The following SOX5 variants were observed in gnomAD, a reference collection of about 807,000 sequenced individuals.
SOX5 encodes transcription factor SOX-5.
Under a neutral mutation model 92.0 loss-of-function variants are expected in SOX5, and 9 were observed. That is an observed-to-expected ratio of 0.10 (90% CI 0.06 to 0.17). The LOEUF (loss-of-function observed/expected upper bound fraction) is 0.17. SOX5 is among the 10% of genes least tolerant of loss of function. The pLI, the probability that SOX5 is intolerant of heterozygous loss-of-function variation, is 1.00. For synonymous variants in SOX5, 344 were observed against 336.3 expected (o/e 1.02, Z -0.25); for missense variants, 642 against 944.5 (o/e 0.68, Z 4.20).
At chr12:24,242,603 T>C (rs2728833) in intron 3 of SOX5, among the ~76,000 whole-genome samples, 18,029 of 151,668 alleles carry the variant, frequency 0.12, 1,308 homozygotes, top group Admixed American at 0.18. Flanking sequence ...ACACGTATAG[T>C]CACTAATAAT....
At chr12:24,275,216 T>G (rs1344004604) in intron 3 of SOX5, among the ~76,000 whole-genome samples, 4 of 152,188 alleles carry the variant, frequency 2.6e-5, no homozygotes, top group African/African-American at 9.6e-5. Flanking sequence ...TTAAAAACTC[T>G]GTAAACTATG....
intron 2 of SOX5, among the ~76,000 whole-genome samples, chr12:24,308,553 C>T (rs534785493): frequency 4.6e-5 from 7 of 152,256 alleles, no homozygotes; most frequent in African/African-American, 1.4e-4. Flanking sequence ...TTGGATTTGC[C>T]GCCACTAAGA....
chr12:23,860,031 A>T (rs1175602557), intron 2 of SOX5, among the ~76,000 whole-genome samples: 1 of 152,210 alleles, frequency 6.6e-6, no homozygotes, highest in African/African-American at 2.4e-5. Context: ...CACTGTTAGC[A>T]AACTAAAGCA....
intron 8 of SOX5, among the ~76,000 whole-genome samples, chr12:23,617,955 A>G (rs1037447487): frequency 6.6e-6 from 1 of 152,190 alleles, no homozygotes; most frequent in Non-Finnish European, 1.5e-5. Flanking sequence ...ATCCATTACA[A>G]TATGTTCCAA....
chr12:24,400,043 T>C (rs1195200764), intron 1 of SOX5, among the ~76,000 whole-genome samples: 1 of 152,216 alleles, frequency 6.6e-6, no homozygotes, highest in Non-Finnish European at 1.5e-5. Context: ...AGATAAAACA[T>C]AAACTTTCAA....
intron 3 of SOX5, among the ~76,000 whole-genome samples, chr12:24,220,197 T>G (rs1203893704): frequency 6.6e-6 from 1 of 152,060 alleles, no homozygotes; most frequent in Non-Finnish European, 1.5e-5. Context: ...TGATTTATAC[T>G]AGATATAGAA....
At chr12:23,622,945 G>A (rs2077355574) in intron 8 of SOX5, among the ~76,000 whole-genome samples, 1 of 151,990 alleles carries the variant, frequency 6.6e-6, no homozygotes, top group South Asian at 2.1e-4. Context: ...TACCTTTCCA[G>A]AAGACTTAAA....
chr12:23,737,336 C>T (rs1429545888), intron 5 of SOX5, among the ~76,000 whole-genome samples: 1 of 151,854 alleles, frequency 6.6e-6, no homozygotes, highest in Non-Finnish European at 1.5e-5. Context: ...GTCAGGAGTT[C>T]GAGACCAGCC....
At chr12:24,179,631 A>C (rs1432386613) in intron 4 of SOX5, among the ~76,000 whole-genome samples, 2 of 152,200 alleles carry the variant, frequency 1.3e-5, no homozygotes, top group African/African-American at 4.8e-5. Flanking sequence ...GTATTCAGTA[A>C]ATTAGATGAG....
chr12:23,715,179 G>A (rs2092395869), intron 6 of SOX5, among the ~76,000 whole-genome samples: 1 of 151,966 alleles, frequency 6.6e-6, no homozygotes. Context: ...GGCGCCTGTA[G>A]TCCCAGCTAC....
chr12:23,727,817 G>T (rs1387987801), intron 6 of SOX5, among the ~76,000 whole-genome samples: 1 of 152,132 alleles, frequency 6.6e-6, no homozygotes, highest in Admixed American at 6.6e-5. Context: ...TAAAAGAAGA[G>T]TAAAGTATAG....
At chr12:23,773,600 G>A (rs2095006026) in intron 3 of SOX5, among the ~76,000 whole-genome samples, 2 of 152,066 alleles carry the variant, frequency 1.3e-5, no homozygotes, top group African/African-American at 4.8e-5. Flanking sequence ...TCAAACTCCT[G>A]GCCTCAAGTG....
intron 2 of SOX5, among the ~76,000 whole-genome samples, chr12:24,281,539 C>T (rs971178870): frequency 2.6e-5 from 4 of 152,246 alleles, no homozygotes; most frequent in Non-Finnish European, 4.4e-5. Flanking sequence ...ATTTGTGCCA[C>T]ATAAATATGC....
At chr12:24,053,331 T>C (rs975903737) in intron 4 of SOX5, among the ~76,000 whole-genome samples, 4 of 152,236 alleles carry the variant, frequency 2.6e-5, no homozygotes, top group African/African-American at 9.6e-5. Flanking sequence ...GGTTTCACCA[T>C]GTTGGCCAGC....
chr12:24,196,239 T>G (rs1162304318), intron 4 of SOX5, among the ~76,000 whole-genome samples: 1 of 152,240 alleles, frequency 6.6e-6, no homozygotes, highest in African/African-American at 2.4e-5. Context: ...TACTATCTGC[T>G]GTGAAGCACG....
chr12:24,455,605 A>G (rs1942917254), intron 1 of SOX5, among the ~76,000 whole-genome samples: 1 of 152,220 alleles, frequency 6.6e-6, no homozygotes, highest in Non-Finnish European at 1.5e-5. Context: ...AACACCTCCA[A>G]CTATGTGCAG....
At chr12:23,895,743 T>C (rs1786657701) in intron 2 of SOX5, 50 bp downstream of exon 2, 1 of 1,291,302 alleles carries the variant, frequency 7.7e-7, no homozygotes, top group Non-Finnish European at 1.1e-6. Flanking sequence ...ATTAGAGGAG[T>C]AGACTGGTCA....
intron 3 of SOX5, among the ~76,000 whole-genome samples, chr12:24,276,216 T>C (rs1024472429): frequency 2.6e-5 from 4 of 152,128 alleles, no homozygotes; most frequent in Non-Finnish European, 5.9e-5. Flanking sequence ...TTTTCTTCTA[T>C]ATTATATTGT....
chr12:24,222,076 A>G (rs1960593961), intron 3 of SOX5, among the ~76,000 whole-genome samples: 1 of 152,210 alleles, frequency 6.6e-6, no homozygotes, highest in South Asian at 2.1e-4. Flanking sequence ...ATAAGTGGAA[A>G]ATCAGGTGAC....
Sources: allele counts gnomAD v4.1 joint callset (sites outside exome capture counted in the v4.1 genomes callset), GRCh38; gene constraint gnomAD v4.1.1; transcripts MANE v1.5; gene names NCBI Gene and HGNC (gene_info 2026-07-23, HGNC 2026-07-21).